The following TMEM245 variants were observed in gnomAD, a reference collection of about 807,000 sequenced individuals.
The protein encoded by TMEM245 is protein CG-2.
Under a neutral mutation model 101.2 loss-of-function variants are expected in TMEM245, and 69 were observed. The ratio of observed to expected loss-of-function variants is 0.68; its 90% confidence interval spans 0.56 to 0.83. The LOEUF (loss-of-function observed/expected upper bound fraction) is 0.83, where lower values mean the gene tolerates loss of function less well. TMEM245 is among the 40% of genes least tolerant of loss of function. The pLI, the probability that TMEM245 is intolerant of heterozygous loss-of-function variation, is 0.00. For missense variants in TMEM245, 1,075 were observed against 1,092.8 expected, an observed-to-expected ratio of 0.98 and a Z score of 0.23; for synonymous variants, 537 against 449.8, an observed-to-expected ratio of 1.19 and a Z score of -2.45.
intron 1 of TMEM245, among the ~76,000 whole-genome samples, chr9:109,118,494 T>C (rs1045362627): frequency 2.0e-5 from 3 of 152,238 alleles, no homozygotes; most frequent in Non-Finnish European, 2.9e-5. Flanking sequence ...GTCCACAATA[T>C]AGTCTGAGTT....
Position 109,119,620 on chromosome 9 carries a change from C to T in TMEM245, c.294G>A (p.Lys98=). The change falls in exon 1 of 18, where the codon AAG becomes AAA. Residue 98 remains lysine, a synonymous_variant. Transcript: ENST00000374586. ...VLCGTFLHPF[K]SSLTRLGRHW... is the part of the protein sequence containing the mutation. ...GGCGGCCCAGGCGCGTCAGCGAGCT[C>T]TTGAAGGGGTGCAGAAAAGTGCCGC... The T allele has an allele frequency of 6.4e-7, 1 of 1,561,372 alleles. No homozygotes were observed. The highest frequency in any genetic ancestry group is 8.6e-7 in the Non-Finnish European group (1 of 1,156,522).
At chr9:109,061,201 A>T (rs1324308475) in intron 10 of TMEM245, among the ~76,000 whole-genome samples, 2 of 152,202 alleles carry the variant, frequency 1.3e-5, no homozygotes. Context: ...CTGCAGTCCC[A>T]GCTACTCAGG....
intron 5 of TMEM245, among the ~76,000 whole-genome samples, chr9:109,088,135 T>C (rs908115657): frequency 2.6e-5 from 4 of 152,254 alleles, no homozygotes; most frequent in Non-Finnish European, 5.9e-5. Context: ...GGACCCTGTA[T>C]CTCAATCAGT....
At chr9:109,029,662 A>G (rs1332600473) in intron 17 of TMEM245, among the ~76,000 whole-genome samples, 3 of 152,240 alleles carry the variant, frequency 2.0e-5, no homozygotes, top group Non-Finnish European at 4.4e-5. Flanking sequence ...GAAATCAAGA[A>G]AGAAAATTAT....
chr9:109,063,000 T>C (rs565563106), intron 10 of TMEM245, among the ~76,000 whole-genome samples: 2 of 152,110 alleles, frequency 1.3e-5, no homozygotes, highest in Non-Finnish European at 2.9e-5. Flanking sequence ...TACACATCAC[T>C]GAAACACAAG....
In TMEM245 at chr9:109,119,375, G is replaced by T; in HGVS notation, c.539C>A (p.Thr180Lys). The T allele has an allele frequency of 6.5e-7, 1 of 1,529,812 alleles. No homozygotes were observed. The highest frequency in any genetic ancestry group is 8.8e-7 in the Non-Finnish European group (1 of 1,142,434). 94.8% of individuals were successfully genotyped at this position (1,529,812 alleles called of 1,614,324 possible). The change falls in exon 1 of 18, where the codon ACG (threonine) becomes AAG (lysine). Residue 180 changes from threonine to lysine, a missense_variant. Physicochemically the swap from Thr to Lys is moderately conservative, Grantham distance 78. Transcript: ENST00000374586. ...GVQVLLVHAA[T>K]LICRGLDYFS... ...GTAGTCCAGCCCGCGGCAGATGAGCGTGGCAGCGTGCACCAGCAGCACCTG... is the reference window on the plus strand; with the variant it reads ...GTAGTCCAGCCCGCGGCAGATGAGCTTGGCAGCGTGCACCAGCAGCACCTG...
At chr9:109,103,234 T>G (rs936181575) in intron 3 of TMEM245, among the ~76,000 whole-genome samples, 1 of 152,182 alleles carries the variant, frequency 6.6e-6, no homozygotes, top group Non-Finnish European at 1.5e-5. Context: ...AAGAAACTAC[T>G]GAAGCTAATA....
intron 5 of TMEM245, among the ~76,000 whole-genome samples, chr9:109,088,131 T>C (rs1414549616): frequency 6.6e-6 from 1 of 152,250 alleles, no homozygotes; most frequent in Non-Finnish European, 1.5e-5. Flanking sequence ...GTTTGGACCC[T>C]GTATCTCAAT....
chr9:109,064,694 C>A, intron 9 of TMEM245, 127 bp from the exon 10 acceptor site: 2 of 650,868 alleles, frequency 3.1e-6, no homozygotes, highest in Non-Finnish European at 5.1e-6. Flanking sequence ...ACACAGATAC[C>A]AAAGCATCAT....
intron 1 of TMEM245, among the ~76,000 whole-genome samples, chr9:109,118,778 T>A (rs936943658): frequency 1.3e-5 from 2 of 152,246 alleles, no homozygotes; most frequent in African/African-American, 4.8e-5. Flanking sequence ...TCACCTGAAC[T>A]GAGAGGCAGC....
intron 9 of TMEM245, among the ~76,000 whole-genome samples, chr9:109,067,088 T>C (rs1053238812): frequency 1.3e-5 from 2 of 149,888 alleles, no homozygotes; most frequent in Non-Finnish European, 3.0e-5. Context: ...TGAAGATTCA[T>C]AGAGGTATCT....
intron 14 of TMEM245, among the ~76,000 whole-genome samples, chr9:109,044,932 G>A (rs1159445582): frequency 6.6e-6 from 1 of 151,878 alleles, no homozygotes; most frequent in East Asian, 1.9e-4. Context: ...GCTAATTTTT[G>A]TATTTTTAGT....
At chr9:109,030,859 T>A (rs1827924352) in intron 17 of TMEM245, among the ~76,000 whole-genome samples, 2 of 152,200 alleles carry the variant, frequency 1.3e-5, no homozygotes, top group Non-Finnish European at 2.9e-5. Flanking sequence ...AAGGACAATG[T>A]CTCTCTTCAC....
chr9:109,072,068 A>G (rs1341155604), intron 9 of TMEM245, among the ~76,000 whole-genome samples: 3 of 152,242 alleles, frequency 2.0e-5, no homozygotes, highest in Non-Finnish European at 2.9e-5. Context: ...TTCATTTACC[A>G]AAGTGTTGGG....
At chr9:109,118,747 C>G (rs1174553296) in intron 1 of TMEM245, among the ~76,000 whole-genome samples, 1 of 152,224 alleles carries the variant, frequency 6.6e-6, no homozygotes, top group Non-Finnish European at 1.5e-5. Context: ...CACCCAGTGC[C>G]TTGCACAAAT....
At chr9:109,113,478 T>C (rs1830625831) in intron 1 of TMEM245, among the ~76,000 whole-genome samples, 1 of 152,228 alleles carries the variant, frequency 6.6e-6, no homozygotes, top group Non-Finnish European at 1.5e-5. Flanking sequence ...CTTTTCAAAA[T>C]ATACATTCCA....
chr9:109,057,925 C>CT (rs35332085), intron 11 of TMEM245, among the ~76,000 whole-genome samples: 28,302 of 112,670 alleles, frequency 0.25, 3,155 homozygotes, highest in South Asian at 0.35. Flanking sequence ...CATTTACTTT[C>CT]TTTTTTTTTT....
chr9:109,075,083 C>A (rs554995416), intron 8 of TMEM245, among the ~76,000 whole-genome samples: 76 of 152,246 alleles, frequency 5.0e-4, no homozygotes, highest in Middle Eastern at 3.4e-3. Context: ...CTAAATGAGG[C>A]TAAGGAACAA....
At chr9:109,108,665 C>A in intron 1 of TMEM245, 95 bp from the exon 2 acceptor site, 2 of 825,090 alleles carry the variant, frequency 2.4e-6, no homozygotes, top group South Asian at 2.3e-5. Context: ...AGCAGGAATG[C>A]TCTGGACATA....
Sources: gnomAD v4.1 joint callset for allele counts (sites outside exome capture counted in the v4.1 genomes callset) on GRCh38, gnomAD v4.1.1 for gene constraint, MANE v1.5 for transcripts, NCBI Gene and HGNC (gene_info 2026-07-23, HGNC 2026-07-21) for gene names.